The following TENM2 variants were observed in gnomAD, a reference collection of about 807,000 sequenced individuals.
TENM2 encodes teneurin transmembrane protein 2, also known as teneurin-2.
Under a neutral mutation model 245.2 loss-of-function variants are expected in TENM2, and 52 were observed. The observed-to-expected ratio is 0.21, with a 90% CI of 0.17 to 0.27. The LOEUF (loss-of-function observed/expected upper bound fraction) is 0.27, where lower values mean the gene tolerates loss of function less well. Among genes scored for constraint, TENM2 ranks in the 10% least tolerant of loss-of-function variants. TENM2 has a pLI of 1.00. For synonymous variants in TENM2, 1,363 were observed against 1,438.9 expected (o/e 0.95, Z 1.19); for missense variants, 3,046 against 3,666.8 (o/e 0.83, Z 4.37).
At position 167,654,190 on chromosome 5, in the gene TENM2, A is replaced by G. The variant is rs150323728; in HGVS notation, c.503-221796A>G. Among the ~76,000 whole-genome samples the G allele has an allele frequency of 4.3e-3, 646 of 151,772 alleles. 5 individuals are homozygous for G. The highest frequency in any genetic ancestry group is 0.014 in the African/African-American group (599 of 41,348). ...TTTTCTCTACCATTTTGTGTCTCTC[A>G]GTTATGGCATGTATGCTGTTCAACC... On this transcript the variant is annotated intron_variant, in intron 2 of 28. Transcript: ENST00000518659.
chr5:167,884,384 C>T (rs1419210493), intron 3 of TENM2, among the ~76,000 whole-genome samples: 1 of 152,180 alleles, frequency 6.6e-6, no homozygotes, highest in East Asian at 1.9e-4. Context: ...TCAACAGAAA[C>T]TCTATACCCA....
chr5:167,378,960 A>G (rs2127325130), intron 2 of TENM2, among the ~76,000 whole-genome samples: 1 of 152,210 alleles, frequency 6.6e-6, no homozygotes, highest in East Asian at 1.9e-4. Context: ...AAACAAAGAA[A>G]ATAAAGTTGG....
chr5:168,179,127 T>G (rs34978256), intron 13 of TENM2, among the ~76,000 whole-genome samples: 1 of 114,672 alleles, frequency 8.7e-6, no homozygotes, highest in Non-Finnish European at 1.7e-5. Context: ...AGAGTGAGAC[T>G]CTGCCTGAAA....
At chr5:168,068,305 G>A (rs757618188) in intron 7 of TENM2, among the ~76,000 whole-genome samples, 11 of 152,154 alleles carry the variant, frequency 7.2e-5, no homozygotes, top group Non-Finnish European at 1.5e-4. Flanking sequence ...ACAGGAATGA[G>A]TTCAGACGGG....
the TENM2 span, among the ~76,000 whole-genome samples, chr5:167,069,140 A>C: frequency 6.6e-6 from 1 of 152,184 alleles, no homozygotes; most frequent in Admixed American, 6.5e-5. Context: ...TTTATATCTA[A>C]AGGGAAAATT....
intron 12 of TENM2, chr5:168,129,047 A>G (rs1754326581): frequency 6.6e-6 from 1 of 151,996 alleles, no homozygotes; most frequent in Non-Finnish European, 1.5e-5. Context: ...CCACACCCCC[A>G]TTAAGAAAAG....
At chr5:167,421,055 G>A (rs930432135) in intron 2 of TENM2, among the ~76,000 whole-genome samples, 2 of 152,176 alleles carry the variant, frequency 1.3e-5, no homozygotes, top group Non-Finnish European at 2.9e-5. Context: ...AGCATAGTAA[G>A]AATTGGGAAA....
intron 2 of TENM2, among the ~76,000 whole-genome samples, chr5:167,771,855 T>A (rs995189782): frequency 2.0e-5 from 3 of 152,234 alleles, no homozygotes; most frequent in Admixed American, 2.0e-4. Context: ...TGTTTTTGAT[T>A]CGCTGGTTCC....
At chr5:167,826,402 A>G (rs1767976222) in intron 2 of TENM2, among the ~76,000 whole-genome samples, 1 of 152,122 alleles carries the variant, frequency 6.6e-6, no homozygotes, top group Non-Finnish European at 1.5e-5. Context: ...CTCCACCTGC[A>G]CCCAAAAAGC....
chr5:168,041,648 A>G (rs914417401), intron 5 of TENM2, among the ~76,000 whole-genome samples: 11 of 152,152 alleles, frequency 7.2e-5, no homozygotes, highest in African/African-American at 2.4e-4. Flanking sequence ...CTTTTCACTT[A>G]TGTGTTTAGT....
chr5:167,356,530 AT>A (rs1348067208), intron 1 of TENM2, among the ~76,000 whole-genome samples: 1 of 152,210 alleles, frequency 6.6e-6, no homozygotes, highest in Non-Finnish European at 1.5e-5. Context: ...CTAAACAGTT[AT>A]TGAGCCCTGG....
chr5:167,682,901 C>T (rs755990555), intron 2 of TENM2, among the ~76,000 whole-genome samples: 2 of 152,176 alleles, frequency 1.3e-5, no homozygotes, highest in Non-Finnish European at 2.9e-5. Context: ...TAATTATACT[C>T]AGGCTTTGTC....
At chr5:167,903,353 T>A (rs1775856090) in intron 3 of TENM2, among the ~76,000 whole-genome samples, 1 of 152,166 alleles carries the variant, frequency 6.6e-6, no homozygotes, top group Admixed American at 6.5e-5. Flanking sequence ...GTAATAAAAA[T>A]ATAATGATTA....
intron 1 of TENM2, among the ~76,000 whole-genome samples, chr5:167,366,234 T>G (rs1455447444): frequency 6.6e-6 from 1 of 152,062 alleles, no homozygotes; most frequent in Non-Finnish European, 1.5e-5. Context: ...AAACAATACA[T>G]GGATAACCTA....
chr5:167,253,055 T>A, the TENM2 span, among the ~76,000 whole-genome samples: 1 of 152,068 alleles, frequency 6.6e-6, no homozygotes, highest in African/African-American at 2.4e-5. Context: ...GTTCTTGTTC[T>A]TGACTTGGTA....
At chr5:167,153,107 A>G in the TENM2 span, among the ~76,000 whole-genome samples, 1 of 151,706 alleles carries the variant, frequency 6.6e-6, no homozygotes, top group Non-Finnish European at 1.5e-5. Flanking sequence ...ATACACACAC[A>G]CACACACACA....
At chr5:168,004,236 C>T (rs1052887330) in intron 5 of TENM2, among the ~76,000 whole-genome samples, 1 of 152,168 alleles carries the variant, frequency 6.6e-6, no homozygotes, top group African/African-American at 2.4e-5. Flanking sequence ...ATACCAGACC[C>T]TTCCCATGCC....
At chr5:167,969,073 C>T (rs1205802950) in intron 4 of TENM2, among the ~76,000 whole-genome samples, 1 of 152,044 alleles carries the variant, frequency 6.6e-6, no homozygotes, top group Non-Finnish European at 1.5e-5. Context: ...TCTGAAATGC[C>T]GACTTTGTGC....
the TENM2 span, among the ~76,000 whole-genome samples, chr5:167,033,012 G>A: frequency 6.6e-6 from 1 of 152,102 alleles, no homozygotes; most frequent in Non-Finnish European, 1.5e-5. Flanking sequence ...GCAATACCAA[G>A]TAGGTTCATG....
Sources: gnomAD v4.1 joint callset for allele counts (sites outside exome capture counted in the v4.1 genomes callset) on GRCh38, gnomAD v4.1.1 for gene constraint, MANE v1.5 for transcripts, NCBI Gene and HGNC (gene_info 2026-07-23, HGNC 2026-07-21) for gene names.